The following GNG4 variants were observed in gnomAD, a reference collection of about 807,000 sequenced individuals.
The protein encoded by GNG4 is G protein subunit gamma 4, also known as guanine nucleotide-binding protein G(I)/G(S)/G(O) subunit gamma-4.
A neutral mutation model predicts 5.8 loss-of-function variants in GNG4; 4 were observed. That is an observed-to-expected ratio of 0.69 (90% confidence interval 0.34 to 1.57). The LOEUF (loss-of-function observed/expected upper bound fraction) is 1.57. Ranked by LOEUF, GNG4 falls within the 40% of genes most tolerant of loss-of-function variation. The pLI, the probability that GNG4 is intolerant of heterozygous loss-of-function variation, is 0.06. For synonymous variants in GNG4, 29 were observed against 32.9 expected, an observed-to-expected ratio of 0.88 and a Z score of 0.41; for missense variants, 96 against 95.1, an observed-to-expected ratio of 1.01 and a Z score of -0.04.
chr1:235,630,133 T>A (rs1688902949), intron 1 of GNG4, among the ~76,000 whole-genome samples: 1 of 152,172 alleles, frequency 6.6e-6, no homozygotes, highest in Admixed American at 6.5e-5. Flanking sequence ...AGTTGGTGAG[T>A]AGAGATGCCA....
intron 2 of GNG4, among the ~76,000 whole-genome samples, chr1:235,584,241 A>T (rs901532267): frequency 1.3e-5 from 2 of 152,202 alleles, no homozygotes; most frequent in African/African-American, 4.8e-5. Flanking sequence ...CAGCCCATAC[A>T]GTTGGTGGGA....
chr1:235,587,858 T>C (rs560567680), intron 2 of GNG4, among the ~76,000 whole-genome samples: 1 of 132,192 alleles, frequency 7.6e-6, no homozygotes, highest in South Asian at 2.7e-4. Context: ...TGTAAGTGTA[T>C]GGAGTGTGTG....
chr1:235,614,384 T>G (rs1688543984), intron 1 of GNG4, among the ~76,000 whole-genome samples: 1 of 152,194 alleles, frequency 6.6e-6, no homozygotes, highest in Non-Finnish European at 1.5e-5. Flanking sequence ...GTCCTCAATT[T>G]TACTGATTTC....
intron 1 of GNG4, among the ~76,000 whole-genome samples, chr1:235,605,800 A>G (rs1688344634): frequency 1.3e-5 from 2 of 152,058 alleles, no homozygotes; most frequent in South Asian, 4.1e-4. Context: ...TTATTCCTGA[A>G]GCCCAGGAGG....
intron 3 of GNG4, among the ~76,000 whole-genome samples, chr1:235,567,415 G>A (rs1018865854): frequency 3.3e-5 from 5 of 151,986 alleles, no homozygotes; most frequent in African/African-American, 7.3e-5. Context: ...AGTACCATCC[G>A]TCTCCAGAAC....
intron 3 of GNG4, among the ~76,000 whole-genome samples, chr1:235,576,484 T>C (rs914345351): frequency 4.6e-5 from 7 of 152,266 alleles, no homozygotes; most frequent in African/African-American, 1.7e-4. Flanking sequence ...TCATCTTTCA[T>C]GTGCTCTTTA....
rs114966884 is a variant in GNG4 at position 235,564,100 on chromosome 1, A to G, written c.100-11863T>C. ...ACAATGCAGCTATAAAAATGAATGA[A>G]ATTGTGTCCTTTGCAGCAGTATGAA... is the stretch of plus-strand genomic sequence containing the variant. On this transcript the variant is annotated intron_variant, in intron 3 of 3. Transcript: ENST00000391854. 6.1e-3 allele frequency among the ~76,000 whole-genome samples: 936 copies of G among 152,334 alleles called. 8 individuals carry two copies. The highest frequency in any genetic ancestry group is 0.021 in the African/African-American group (884 of 41,568).
rs1270326494 is a variant in GNG4, at chr1:235,649,414, AG to A, written c.-123+247del. Among the ~76,000 whole-genome samples the A allele has an allele frequency of 6.6e-6, 1 of 151,538 alleles. No individual in the cohort carries two copies. Among genetic ancestry groups the A allele is most frequent in the Non-Finnish European group, 1.5e-5 (1 of 67,822 alleles). On this transcript the variant is annotated intron_variant, in intron 1 of 3. Transcript: ENST00000391854. The surrounding 1 kb of genome is among the most constrained non-coding windows in gnomAD (Gnocchi z 5.7). ...CCCGGAAGCCCCTGGACGCGCTCCG[AG>A]GGGGCTGTCCACACCCGCGCGCGGG...
chr1:235,613,841 A>G (rs1688532021), intron 1 of GNG4, among the ~76,000 whole-genome samples: 1 of 152,188 alleles, frequency 6.6e-6, no homozygotes. Flanking sequence ...CTCATGCAGC[A>G]GAGGAAGAGG....
intron 3 of GNG4, among the ~76,000 whole-genome samples, chr1:235,564,159 T>C (rs984315944): frequency 6.6e-6 from 1 of 152,170 alleles, no homozygotes; most frequent in Non-Finnish European, 1.5e-5. Flanking sequence ...ATTGAATTAA[T>C]GCAGGAACAG....
At chr1:235,650,079 G>GGGGCTCCCGCGCTCCCCGCCC (rs1393218074), upstream of GNG4, 1 of 150,692 alleles carries the variant, frequency 6.6e-6, no homozygotes, top group African/African-American at 2.4e-5. Flanking sequence ...CTGCGTCACC[G>GGGGCTCCCGCGCTCCCCGCCC]GGGCTCCCGC....
chr1:235,558,120 C>A (rs1305184401), intron 3 of GNG4, among the ~76,000 whole-genome samples: 1 of 152,184 alleles, frequency 6.6e-6, no homozygotes, highest in East Asian at 1.9e-4. Context: ...AACAGGAATG[C>A]ACACACAATG....
At chr1:235,596,976 C>T (rs72761737) in intron 1 of GNG4, among the ~76,000 whole-genome samples, 281 of 152,098 alleles carry the variant, frequency 1.8e-3, no homozygotes, top group Non-Finnish European at 3.3e-3. Context: ...TCAAGGGATC[C>T]TCCCACCTAC....
chr1:235,567,364 T>C (rs1687225315), intron 3 of GNG4, among the ~76,000 whole-genome samples: 1 of 152,196 alleles, frequency 6.6e-6, no homozygotes, highest in Non-Finnish European at 1.5e-5. Context: ...AAGTATATAG[T>C]TCAGTAGTAT....
chr1:235,573,968 A>G (rs1157542620), intron 3 of GNG4, among the ~76,000 whole-genome samples: 1 of 152,192 alleles, frequency 6.6e-6, no homozygotes, highest in Non-Finnish European at 1.5e-5. Flanking sequence ...AAAAAGCAAT[A>G]AGTGTACATT....
chr1:235,570,394 C>T (rs1398843273), intron 3 of GNG4, among the ~76,000 whole-genome samples: 1 of 105,514 alleles, frequency 9.5e-6, no homozygotes. Flanking sequence ...TTCACCTCTT[C>T]TTTTTTTTTT....
chr1:235,617,299 G>T (rs996081092), intron 1 of GNG4, among the ~76,000 whole-genome samples: 1 of 152,158 alleles, frequency 6.6e-6, no homozygotes, highest in Admixed American at 6.5e-5. Context: ...TTCTAAGTGA[G>T]AACAGATGAC....
chr1:235,554,845 C>CAAA (rs34093722), intron 3 of GNG4, among the ~76,000 whole-genome samples: 11 of 84,390 alleles, frequency 1.3e-4, no homozygotes, highest in South Asian at 4.2e-4. Context: ...AACTCCATCT[C>CAAA]AAAAAAAAAA....
intron 2 of GNG4, among the ~76,000 whole-genome samples, chr1:235,589,364 G>A (rs147311018): frequency 5.9e-5 from 9 of 152,264 alleles, no homozygotes; most frequent in African/African-American, 1.4e-4. Flanking sequence ...GGGGAGAGTC[G>A]GCCATGCAGC....
Sources: gnomAD v4.1 joint callset for allele counts (sites outside exome capture counted in the v4.1 genomes callset) on GRCh38, gnomAD v4.1.1 for gene constraint, Gnocchi (gnomAD v3.1) non-coding constraint, MANE v1.5 for transcripts, NCBI Gene and HGNC (gene_info 2026-07-23, HGNC 2026-07-21) for gene names.